Variants in SLC9B2 observed in about 807,000 individuals in gnomAD.
The protein encoded by SLC9B2 is solute carrier family 9 member B2.
A neutral mutation model predicts 52.2 loss-of-function variants in SLC9B2; 39 were observed. The observed-to-expected ratio is 0.75, with a 90% CI of 0.58 to 0.98. The LOEUF (loss-of-function observed/expected upper bound fraction) is 0.98, where lower values mean the gene tolerates loss of function less well. Among genes scored for constraint, SLC9B2 ranks in the 50% least tolerant of loss-of-function variants. The pLI is 0.00. For synonymous variants in SLC9B2, 214 were observed against 227.0 expected (o/e 0.94, Z 0.51); for missense variants, 626 against 637.5 (o/e 0.98, Z 0.19).
chr4:103,056,683 A>G (rs1745162564), intron 4 of SLC9B2, among the ~76,000 whole-genome samples: 1 of 152,244 alleles, frequency 6.6e-6, no homozygotes, highest in South Asian at 2.1e-4. Flanking sequence ...CACACAGTTT[A>G]CAAATATACA....
At position 103,033,483 on chromosome 4, in the gene SLC9B2, A is replaced by AG. The variant is rs1292091679; in HGVS notation, c.1147-1676_1147-1675insC. Among the ~76,000 whole-genome samples, 190 of 152,300 alleles carry AG rather than the reference A, an allele frequency of 1.2e-3. No individual in the cohort carries two copies. The Middle Eastern group carries it at 0.017, about 14-fold the overall frequency. ...CATCCAATTAGGAAGAGAGGAAGTCAAACTATTTCTCTTCGCAGATTATAC... is the reference window on the plus strand; with the variant it reads ...CATCCAATTAGGAAGAGAGGAAGTCAGAACTATTTCTCTTCGCAGATTATAC... On this transcript the variant is annotated intron_variant, in intron 9 of 11. Transcript: ENST00000394785.
chr4:103,031,775 C>G lies in SLC9B2; in HGVS notation c.1180G>C (p.Asp394His). ...EVEKIIAVAWDIFQPLLFGLI... is the reference protein window; with the variant it reads ...EVEKIIAVAWHIFQPLLFGLI... Reference sequence around the variant, plus strand: ...CCAAAAAGAAGGGGCTGAAAAATGTCCCAGGCAACTGCAATTATCTTTTCA... The same window carrying G: ...CCAAAAAGAAGGGGCTGAAAAATGTGCCAGGCAACTGCAATTATCTTTTCA... The change falls in exon 10 of 12, where the codon GAC becomes CAC. Residue 394 changes from aspartate to histidine, a missense_variant. By Grantham distance (81) the Asp-to-His change is moderately conservative. Coordinates refer to ENST00000394785, the MANE Select transcript of SLC9B2 (RefSeq NM_178833.7). The G allele has an allele frequency of 1.2e-6, 2 of 1,612,718 alleles. No homozygotes were observed. The highest frequency in any genetic ancestry group is 1.7e-6 in the Non-Finnish European group (2 of 1,179,174).
intron 1 of SLC9B2, among the ~76,000 whole-genome samples, chr4:103,069,623 G>C (rs986517184): frequency 1.7e-4 from 26 of 152,128 alleles, no homozygotes; most frequent in Non-Finnish European, 3.5e-4. Flanking sequence ...CCTCAACCTT[G>C]AAGAATTTAC....
intron 5 of SLC9B2, among the ~76,000 whole-genome samples, chr4:103,049,403 T>C (rs1409106498): frequency 6.6e-6 from 1 of 152,202 alleles, no homozygotes; most frequent in Non-Finnish European, 1.5e-5. Flanking sequence ...TAGTTTTATT[T>C]ATAATTTGTG....
chr4:103,036,364 G>T (rs934298140), intron 9 of SLC9B2, among the ~76,000 whole-genome samples: 3 of 152,134 alleles, frequency 2.0e-5, no homozygotes, highest in African/African-American at 7.2e-5. Flanking sequence ...AAACACTGCG[G>T]CCTATTTTAA....
intron 4 of SLC9B2, among the ~76,000 whole-genome samples, chr4:103,052,824 G>A (rs1356288089): frequency 2.0e-5 from 3 of 151,794 alleles, no homozygotes; most frequent in Non-Finnish European, 4.4e-5. Context: ...TGGGATTACA[G>A]GTATGAGCCA....
At chr4:103,065,151 G>T (rs992307969) in intron 3 of SLC9B2, among the ~76,000 whole-genome samples, 2 of 144,976 alleles carry the variant, frequency 1.4e-5, no homozygotes, top group African/African-American at 5.2e-5. Flanking sequence ...TAAATCTGAA[G>T]ATCCATGAAA....
intron 1 of SLC9B2, among the ~76,000 whole-genome samples, chr4:103,069,193 A>T (rs1013990256): frequency 6.6e-6 from 1 of 152,224 alleles, no homozygotes; most frequent in African/African-American, 2.4e-5. Flanking sequence ...CTCAGAGAAC[A>T]CTTGTCTTAA....
chr4:103,043,335 G>C lies in SLC9B2; in HGVS notation c.1107C>G (p.Val369=). Residue 369 remains valine (V), a synonymous_variant, in exon 9 of 12, where the codon GTC becomes GTG. Transcript: ENST00000394785. ...ATCCCATGCCTGCAAGGAAAGCCAT[G>C]ACCAACGTGCACAGTCCTCCTGATC... ...FPGSGGLCTL[V]MAFLAGMGWT... The C allele has an allele frequency of 6.2e-7, 1 of 1,612,752 alleles. No individual in the cohort carries two copies. The highest frequency in any genetic ancestry group is 8.5e-7 in the Non-Finnish European group (1 of 1,179,600).
intron 1 of SLC9B2, among the ~76,000 whole-genome samples, chr4:103,071,159 G>A (rs1578486405): frequency 6.6e-6 from 1 of 151,954 alleles, no homozygotes; most frequent in East Asian, 1.9e-4. Context: ...ATTTTCTTAT[G>A]TAGGATTTTC....
chr4:103,064,073 G>T (rs1385356448), intron 3 of SLC9B2, among the ~76,000 whole-genome samples: 2 of 152,134 alleles, frequency 1.3e-5, no homozygotes, highest in Non-Finnish European at 2.9e-5. Flanking sequence ...CACTATTATG[G>T]AAAATGGTAT....
intron 1 of SLC9B2, 27 bp from the exon 2 acceptor site, chr4:103,067,619 G>T: frequency 8.1e-7 from 1 of 1,230,404 alleles, no homozygotes; most frequent in Non-Finnish European, 1.2e-6. Flanking sequence ...TAGATATAGA[G>T]CAGTAATTTG....
chr4:103,064,452 T>C (rs1560559228), intron 3 of SLC9B2, among the ~76,000 whole-genome samples: 1 of 152,126 alleles, frequency 6.6e-6, no homozygotes, highest in Admixed American at 6.6e-5. Flanking sequence ...CAGTTGTTCA[T>C]ATGGAAATAG....
rs530408907 is a variant in SLC9B2, at chr4:103,028,807, A to T, written c.1332T>A (p.Gly444=). Residue 444 remains glycine, a synonymous_variant, in exon 11 of 12, where the codon GGT becomes GGA. Coordinates refer to ENST00000394785, the MANE Select transcript of SLC9B2 (RefSeq NM_178833.7). ...TAAATATCTTTTCTTTTAAGTTAAA[A>T]CCAGCAAAACACACCATCAGAAATG... is the stretch of plus-strand genomic sequence containing the variant. ...LTTFLMVCFA[G]FNLKEKIFIS... The T allele has an allele frequency of 3.1e-6, 5 of 1,610,496 alleles. No homozygotes were observed. The African/African-American group carries it at 6.7e-5, about 22-fold the overall frequency.
intron 5 of SLC9B2, among the ~76,000 whole-genome samples, chr4:103,049,788 G>C (rs1578461171): frequency 6.6e-6 from 1 of 152,168 alleles, no homozygotes; most frequent in African/African-American, 2.4e-5. Flanking sequence ...GAAGCAGGCA[G>C]ATCACCTGAG....
In SLC9B2 at chr4:103,026,571, A is replaced by G. The variant is rs753019630; in HGVS notation, c.1413T>C (p.Ala471=). 28 of 1,613,430 alleles carry G rather than the reference A, an allele frequency of 1.7e-5. No homozygotes were observed. Among genetic ancestry groups the G allele is most frequent in the Non-Finnish European group, 2.0e-5 (24 of 1,179,682 alleles). Residue 471 remains alanine, a synonymous_variant, in exon 12 of 12, where the codon GCT becomes GCC. Coordinates refer to ENST00000394785, the MANE Select transcript of SLC9B2 (RefSeq NM_178833.7). ...CTCCATGTGACCTTGCTGTGTCCAA[A>G]GCCACAGATCCTATTGCAGCCTATA... is the stretch of plus-strand genomic sequence containing the variant. ...ATVQAAIGSV[A]LDTARSHGEK...
intron 1 of SLC9B2, among the ~76,000 whole-genome samples, chr4:103,071,407 T>G (rs142719754): frequency 0.013 from 1,841 of 144,148 alleles, 37 homozygotes; most frequent in African/African-American, 0.042. Context: ...TTAGAAGGAG[T>G]CTCACTCTGT....
rs780126113 is a variant in SLC9B2, at chr4:103,028,794, C to T, written c.1345G>A (p.Glu449Lys). Reference sequence around the variant, plus strand: ...CATGCAAAAGAAATAAATATCTTTTCTTTTAAGTTAAAACCAGCAAAACAC... The same window carrying T: ...CATGCAAAAGAAATAAATATCTTTTTTTTTAAGTTAAAACCAGCAAAACAC... The part of the protein sequence containing the change: ...MVCFAGFNLK[E>K]KIFISFAWLP... The change falls in exon 11 of 12, where the codon GAA becomes AAA. Residue 449 changes from glutamate to lysine, a missense_variant. Glu to Lys is a moderately conservative substitution (Grantham distance 56, BLOSUM62 1). Transcript: ENST00000394785. 4 of 1,609,512 alleles carry T rather than the reference C, an allele frequency of 2.5e-6. No homozygotes were observed. The South Asian group carries it at 4.4e-5, about 18-fold the overall frequency.
intron 4 of SLC9B2, among the ~76,000 whole-genome samples, chr4:103,050,840 A>G (rs1744613509): frequency 6.6e-6 from 1 of 152,208 alleles, no homozygotes; most frequent in South Asian, 2.1e-4. Context: ...TACTTTGCAA[A>G]GGTTTTAGAT....
Sources: allele counts gnomAD v4.1 joint callset (sites outside exome capture counted in the v4.1 genomes callset), GRCh38; gene constraint gnomAD v4.1.1; transcripts MANE v1.5; gene names NCBI Gene and HGNC (gene_info 2026-07-23, HGNC 2026-07-21).